ARVCF: variants seen among roughly 807,000 people sequenced by gnomAD.
ARVCF encodes the protein splicing regulator ARVCF.
In ARVCF, 66 loss-of-function variants were observed where a neutral mutation model predicts 90.9. The observed-to-expected ratio is 0.73, with a 90% CI of 0.60 to 0.89. The LOEUF (loss-of-function observed/expected upper bound fraction) is 0.89. Ranked by LOEUF, ARVCF falls within the 40% of genes least tolerant of loss-of-function variation. The pLI is 0.00. For missense variants in ARVCF, 1,469 were observed against 1,382.3 expected (o/e 1.06, Z -1.00); for synonymous variants, 653 against 603.4 (o/e 1.08, Z -1.21).
In ARVCF at chr22:20,008,974, G is replaced by A. The variant is rs919554604; in HGVS notation, c.-19+1481C>T. Among the ~76,000 whole-genome samples, 4 of 152,170 alleles carry A rather than the reference G, an allele frequency of 2.6e-5. No homozygotes were observed. In the East Asian group the frequency reaches 5.8e-4, roughly 22 times the overall value. On this transcript the variant is annotated intron_variant, in intron 2 of 19. Transcript: ENST00000263207. Reference sequence around the variant, plus strand: ...AGAAAGGAGCAAGCAACAGGAGGGAGAGTGAGCAAGTGTGCCTGGGCAGCC... The same window carrying A: ...AGAAAGGAGCAAGCAACAGGAGGGAAAGTGAGCAAGTGTGCCTGGGCAGCC...
chr22:19,999,546 G>A (rs935695672), intron 2 of ARVCF, among the ~76,000 whole-genome samples: 1 of 152,240 alleles, frequency 6.6e-6, no homozygotes, highest in African/African-American at 2.4e-5. Flanking sequence ...GACACCTGCA[G>A]GCACAGGGGT....
chr22:19,990,530 C>T (rs1436065307), intron 3 of ARVCF, 55 bp downstream of exon 3: 3 of 1,541,338 alleles, frequency 1.9e-6, no homozygotes, highest in African/African-American at 1.4e-5. Context: ...CCAGGACCCA[C>T]TGATTGTTTT....
intron 3 of ARVCF, chr22:19,987,084 C>T (rs1167668660): frequency 1.6e-6 from 1 of 609,598 alleles, no homozygotes; most frequent in Non-Finnish European, 3.0e-6. Flanking sequence ...TGTCTGAGTT[C>T]GGCCGGCATC....
intron 12 of ARVCF, 44 bp from the exon 13 acceptor site, chr22:19,973,837 A>T: frequency 1.9e-6 from 3 of 1,573,964 alleles, no homozygotes; most frequent in South Asian, 2.3e-5. Flanking sequence ...CATGCCAGGC[A>T]CTCTCCCACC....
intron 2 of ARVCF, among the ~76,000 whole-genome samples, chr22:20,000,866 T>C (rs1041609431): frequency 2.6e-5 from 4 of 152,174 alleles, no homozygotes; most frequent in African/African-American, 9.7e-5. Context: ...GCCTCGATCT[T>C]GGACTTCCCA....
At chr22:19,979,675 T>C (rs1943369920) in intron 6 of ARVCF, 68 bp downstream of exon 6, 2 of 1,495,466 alleles carry the variant, frequency 1.3e-6, no homozygotes, top group Non-Finnish European at 1.8e-6. Flanking sequence ...AGTGGCCTCG[T>C]TCCTCCCGGG....
chr22:19,967,250 C>T (rs376880156), downstream of ARVCF: 20 of 1,294,778 alleles, frequency 1.5e-5, 1 homozygote, highest in African/African-American at 1.2e-4. Flanking sequence ...TGGCGCAACC[C>T]GAGAAGTCCA....
At position 19,979,930 on chromosome 22, in the gene ARVCF, C is replaced by A; in HGVS notation, c.1209G>T (p.Pro403=). Reference sequence around the variant, plus strand: ...GGTGGTCCAGCAGTGCCACAAGCAGCGGCAGCCCCCGCAACTGCCGTACAC... The same window carrying A: ...GGTGGTCCAGCAGTGCCACAAGCAGAGGCAGCCCCCGCAACTGCCGTACAC... ...KRRVRQLRGL[P]LLVALLDHPR... Residue 403 remains proline, a synonymous_variant, in exon 6 of 20, where the codon CCG becomes CCT. Coordinates refer to ENST00000263207, the MANE Select transcript of ARVCF (RefSeq NM_001670.3). 1 of 1,594,658 alleles carries A rather than the reference C, an allele frequency of 6.3e-7. No individual in the cohort carries two copies. Among genetic ancestry groups the A allele is most frequent in the Non-Finnish European group, 8.5e-7 (1 of 1,171,280 alleles).
chr22:19,976,801 G>C (rs557049006), intron 9 of ARVCF, 78 bp from the exon 10 acceptor site: 4 of 1,500,902 alleles, frequency 2.7e-6, no homozygotes, highest in Admixed American at 4.0e-5. Context: ...ATGCCCTCCC[G>C]GAAGCCTCAG....
chr22:19,974,010 G>C, intron 12 of ARVCF, 102 bp downstream of exon 12: 1 of 1,523,348 alleles, frequency 6.6e-7, no homozygotes, highest in Non-Finnish European at 8.8e-7. Context: ...GTGGTGGTGT[G>C]GCCCCTCCTT....
intron 2 of ARVCF, among the ~76,000 whole-genome samples, chr22:20,009,293 C>G (rs545265206): frequency 6.5e-4 from 99 of 152,368 alleles, no homozygotes; most frequent in African/African-American, 2.2e-3. Context: ...GCAGACCCAG[C>G]TCCCACTAGG....
intron 2 of ARVCF, among the ~76,000 whole-genome samples, chr22:20,006,407 C>T (rs923077993): frequency 6.6e-6 from 1 of 151,720 alleles, no homozygotes; most frequent in Non-Finnish European, 1.5e-5. Context: ...GAAACCCCGT[C>T]TCTACTAAAA....
At chr22:19,990,557 C>T in intron 3 of ARVCF, 28 bp downstream of exon 3, 2 of 1,581,040 alleles carry the variant, frequency 1.3e-6, no homozygotes, top group South Asian at 2.3e-5. Flanking sequence ...TGGCAATTTT[C>T]ACCCTTCCCA....
intron 19 of ARVCF, 24 bp downstream of exon 19, chr22:19,971,192 G>A (rs759896455): frequency 1.0e-4 from 155 of 1,551,352 alleles, no homozygotes; most frequent in Admixed American, 4.1e-4. Flanking sequence ...ACAGGTGGAC[G>A]AACAACCAGA....
chr22:19,970,766 G>A, intron 19 of ARVCF, 23 bp from the exon 20 acceptor site: 9 of 1,291,922 alleles, frequency 7.0e-6, no homozygotes, highest in Non-Finnish European at 9.1e-6. Context: ...AGGGGATGGT[G>A]GACGCTGCAG....
At position 19,970,367 on chromosome 22, in the gene ARVCF, G is replaced by A; in HGVS notation, c.*389C>T. ...GCCTAGCTGCCTGCCCCTGGCGCCA[G>A]ACCTGGCCCGCACCACTGGGGCACT... On this transcript the variant is annotated 3_prime_UTR_variant, in exon 20 of 20. Transcript: ENST00000263207. 1 of 1,010,000 alleles carries A rather than the reference G, an allele frequency of 9.9e-7. No homozygotes were observed. Among genetic ancestry groups the A allele is most frequent in the Non-Finnish European group, 1.2e-6 (1 of 843,990 alleles). The allele number at this position is 1,010,000 out of a possible 1,614,324, so 62.6% of individuals were successfully genotyped here. A position where few individuals can be genotyped will look rare whatever the true frequency, so the allele number is the denominator to read the frequency against.
intron 10 of ARVCF, among the ~76,000 whole-genome samples, 195 bp from the exon 11 acceptor site, chr22:19,975,952 G>T (rs1233755208): frequency 6.6e-6 from 1 of 152,170 alleles, no homozygotes; most frequent in Non-Finnish European, 1.5e-5. Flanking sequence ...GTTGGTGGCA[G>T]TGGGGCCTGG....
intron 19 of ARVCF, 106 bp from the exon 20 acceptor site, chr22:19,970,849 T>G: frequency 1.6e-6 from 2 of 1,257,874 alleles, no homozygotes; most frequent in Non-Finnish European, 2.1e-6. Flanking sequence ...TGGATGGAGA[T>G]GTGGATAGAA....
Position 19,990,644 on chromosome 22 carries a change from TG to T in ARVCF, c.150del (p.Ser51ValfsTer44). 4.3e-6 allele frequency: 7 copies of T among 1,609,614 alleles called. No individual in the cohort carries two copies. Among genetic ancestry groups the T allele is most frequent in the Non-Finnish European group, 5.9e-6 (7 of 1,178,730 alleles). On this transcript the variant is annotated frameshift_variant, in exon 3 of 20. Coordinates refer to ENST00000263207, the MANE Select transcript of ARVCF (RefSeq NM_001670.3). LOFTEE classifies it high-confidence loss of function. Reference sequence around the variant, plus strand: ...GGCTGCCCACTGCCCATGCCACCACTGACCATGCCAGGCTGCTGGGCACGCT... The same window carrying T: ...GGCTGCCCACTGCCCATGCCACCACTACCATGCCAGGCTGCTGGGCACGCT... ...QLERAQQPGM[V>X]SGGMGSGQPL...
Sources: allele counts gnomAD v4.1 joint callset (sites outside exome capture counted in the v4.1 genomes callset), GRCh38; gene constraint gnomAD v4.1.1; transcripts MANE v1.5; gene names NCBI Gene and HGNC (gene_info 2026-07-23, HGNC 2026-07-21).